Variants in TBCD observed in about 807,000 individuals in gnomAD.
The protein encoded by TBCD is tubulin-specific chaperone D.
A neutral mutation model predicts 169.3 loss-of-function variants in TBCD; 105 were observed. The observed-to-expected ratio is 0.62, with a 90% CI of 0.53 to 0.73. The LOEUF is 0.73. TBCD is among the 30% of genes least tolerant of loss of function. TBCD has a pLI of 0.00. For synonymous variants in TBCD, 700 were observed against 643.9 expected (o/e 1.09, Z -1.32); for missense variants, 1,444 against 1,600.1 (o/e 0.90, Z 1.66).
In TBCD at chr17:82,763,971, T is replaced by C. The variant is rs1313607479; in HGVS notation, c.242T>C (p.Met81Thr). ...TTCCTATGTTTTTCCCTAGAATGGA[T>C]GATGAACTTGTTGTTGGACATAGTG... is the stretch of plus-strand genomic sequence containing the variant. ...PHLLDPHLEW[M>T]MNLLLDIVQD... The change falls in exon 3 of 39, where the codon ATG (methionine) becomes ACG (threonine). Residue 81 changes from methionine to threonine, a missense_variant. Met to Thr is a moderately conservative substitution (Grantham distance 81, BLOSUM62 -1). Coordinates refer to ENST00000355528, the MANE Select transcript of TBCD (RefSeq NM_005993.5). 24 of 1,613,498 alleles carry C rather than the reference T, an allele frequency of 1.5e-5. No individual in the cohort carries two copies. Among genetic ancestry groups the C allele is most frequent in the Non-Finnish European group, 2.0e-5 (24 of 1,179,604 alleles).
intron 7 of TBCD, among the ~76,000 whole-genome samples, chr17:82,787,435 C>G (rs1268073772): frequency 6.6e-6 from 1 of 152,322 alleles, no homozygotes; most frequent in East Asian, 1.9e-4. Context: ...TGGAGCATCT[C>G]GAGTCTTTCC....
At chr17:82,929,724 C>A in intron 32 of TBCD, 1 of 662,098 alleles carries the variant, frequency 1.5e-6, no homozygotes, top group Non-Finnish European at 2.7e-6. Context: ...ACAGGGCCAG[C>A]GCCACTCTCT....
chr17:82,865,715 G>A (rs147566770), intron 13 of TBCD, among the ~76,000 whole-genome samples: 1 of 152,352 alleles, frequency 6.6e-6, no homozygotes. Context: ...ATCAGAAGGC[G>A]TAACTATATG....
intron 22 of TBCD, 130 bp from the exon 23 acceptor site, chr17:82,911,628 C>A: frequency 2.3e-6 from 2 of 885,468 alleles, no homozygotes; most frequent in Admixed American, 2.3e-5. Flanking sequence ...GTTGCTCATG[C>A]TCAGTAACAC....
At chr17:82,812,596 G>A (rs1254882041) in intron 12 of TBCD, among the ~76,000 whole-genome samples, 1 of 152,214 alleles carries the variant, frequency 6.6e-6, no homozygotes, top group Non-Finnish European at 1.5e-5. Context: ...CCAGGCTGGA[G>A]TGCAGTGGCG....
chr17:82,861,278 G>T (rs1247521359), intron 13 of TBCD, among the ~76,000 whole-genome samples: 1 of 152,158 alleles, frequency 6.6e-6, no homozygotes, highest in East Asian at 1.9e-4. Flanking sequence ...CATTCATGCC[G>T]CAGGTCCCCG....
chr17:82,776,482 T>G (rs1359108903), intron 6 of TBCD, among the ~76,000 whole-genome samples: 1 of 152,244 alleles, frequency 6.6e-6, no homozygotes, highest in Non-Finnish European at 1.5e-5. Flanking sequence ...ACAGTGCGTG[T>G]ACCGTGTTTA....
At chr17:82,752,474 G>A in intron 1 of TBCD, 97 bp downstream of exon 1, 1 of 1,025,448 alleles carries the variant, frequency 9.8e-7, no homozygotes, top group Non-Finnish European at 1.2e-6. Context: ...CGGCGGCGCC[G>A]GCCGCTCTGC....
Position 82,806,007 on chromosome 17 carries a change from G to A in TBCD, c.1083G>A (p.Val361=), listed in dbSNP as rs966114190. ...DDDVPEGVER[V]IEQLLVGLKD... is the part of the protein sequence containing the mutation. ...ACGTCCCAGAGGGGGTGGAGCGTGTGATAGGTGCGTGGGGTCTAAGCGGCG... is the reference window on the plus strand; with the variant it reads ...ACGTCCCAGAGGGGGTGGAGCGTGTAATAGGTGCGTGGGGTCTAAGCGGCG... Residue 361 remains valine (V), a synonymous_variant, in exon 10 of 39, where the codon GTG becomes GTA. Transcript: ENST00000355528. The surrounding 1 kb of genome is among the most constrained non-coding windows in gnomAD (Gnocchi z 5.1). 2 of 1,613,732 alleles carry A rather than the reference G, an allele frequency of 1.2e-6. No homozygotes were observed. Among genetic ancestry groups the A allele is most frequent in the Non-Finnish European group, 1.7e-6 (2 of 1,179,698 alleles).
chr17:82,869,854 C>T (rs539008894), intron 13 of TBCD, among the ~76,000 whole-genome samples: 1 of 152,298 alleles, frequency 6.6e-6, no homozygotes. Flanking sequence ...CCTCTCCCTC[C>T]CCTGAACCAG....
In TBCD at chr17:82,752,118, A is replaced by T. The variant is rs916482512; in HGVS notation, c.-76A>T. ...GCCTCCTTTTCATCCCTCATCCTTC[A>T]TCCCTGGCTTTCGCGCTCTAGCGGA... is the stretch of plus-strand genomic sequence containing the variant. On this transcript the variant is annotated 5_prime_UTR_variant, in exon 1 of 39. Coordinates refer to ENST00000355528, the MANE Select transcript of TBCD (RefSeq NM_005993.5). 1.4e-6 allele frequency: 2 copies of T among 1,393,438 alleles called. No individual in the cohort carries two copies. Among genetic ancestry groups the T allele is most frequent in the African/African-American group, 1.5e-5 (1 of 65,652 alleles). The allele number at this position is 1,393,438 out of a possible 1,614,324, so 86.3% of individuals were successfully genotyped here. A position where few individuals can be genotyped will look rare whatever the true frequency, so the allele number is the denominator to read the frequency against.
chr17:82,814,398 T>C (rs1352101799), intron 12 of TBCD, among the ~76,000 whole-genome samples: 1 of 152,238 alleles, frequency 6.6e-6, no homozygotes, highest in Non-Finnish European at 1.5e-5. Context: ...ACGGTCTCTT[T>C]GTTTGGGGAC....
At position 82,880,627 on chromosome 17, in the gene TBCD, C is replaced by T. The variant is rs895046532; in HGVS notation, c.1476-3518C>T. Among the ~76,000 whole-genome samples the T allele has an allele frequency of 2.6e-5, 4 of 151,810 alleles. No homozygotes were observed. The highest frequency in any genetic ancestry group is 7.3e-5 in the African/African-American group (3 of 41,314). ...GCATCCAGGCCCTCAGGGCAGGTAG[C>T]GGGTGGGCCTCCGTGGTGTTGGGAG... On this transcript the variant is annotated intron_variant, in intron 14 of 38. Coordinates refer to ENST00000355528, the MANE Select transcript of TBCD (RefSeq NM_005993.5). This position sits in a 1 kb window ranked among gnomAD's most constrained non-coding sequence, Gnocchi z 5.0.
At position 82,806,855 on chromosome 17, in the gene TBCD, G is replaced by A. The variant is rs1285153193; in HGVS notation, c.1088-753G>A. On this transcript the variant is annotated intron_variant, in intron 10 of 38. Transcript: ENST00000355528. The surrounding 1 kb of genome is among the most constrained non-coding windows in gnomAD (Gnocchi z 5.1). ...GCTTCTCAGAGCCCTCCCTGGTTGCGTGGTAGGCGCCCGCATCTGTGCTGG... is the reference window on the plus strand; with the variant it reads ...GCTTCTCAGAGCCCTCCCTGGTTGCATGGTAGGCGCCCGCATCTGTGCTGG... 2.3e-4 allele frequency among the ~76,000 whole-genome samples: 35 copies of A among 152,170 alleles called. No homozygotes were observed. The highest frequency in any genetic ancestry group is 2.3e-3 in the Admixed American group (35 of 15,280).
At chr17:82,941,354 T>A in intron 37 of TBCD, 45 bp from the exon 38 acceptor site, 1 of 1,522,994 alleles carries the variant, frequency 6.6e-7, no homozygotes, top group South Asian at 1.2e-5. Flanking sequence ...CCTGAGGTTC[T>A]CCGGTGGGCA....
At position 82,814,958 on chromosome 17, in the gene TBCD, G is replaced by A. The variant is rs764761602; in HGVS notation, c.1318+24G>A. 3.1e-6 allele frequency: 5 copies of A among 1,607,244 alleles called. No homozygotes were observed. The Admixed American group carries it at 5.1e-5, about 16-fold the overall frequency. ...TGGTGAGTAGCTGAGGCACGGTCAG[G>A]GGGGATGTCTGGCGCTGGCGGAGCT... On this transcript the variant is annotated intron_variant, in intron 13 of 38. Transcript: ENST00000355528.
intron 6 of TBCD, among the ~76,000 whole-genome samples, chr17:82,780,291 C>T (rs1236032465): frequency 1.3e-5 from 2 of 151,610 alleles, no homozygotes; most frequent in East Asian, 1.9e-4. Context: ...CCTCCCGTTT[C>T]CTTCGTAACT....
chr17:82,902,623 C>T (rs1296441480), intron 18 of TBCD, among the ~76,000 whole-genome samples: 2 of 152,242 alleles, frequency 1.3e-5, no homozygotes, highest in African/African-American at 4.8e-5. Context: ...GGCAGGTGGT[C>T]CTGCCAGCGC....
intron 6 of TBCD, 37 bp from the exon 7 acceptor site, chr17:82,781,552 G>C: frequency 6.2e-7 from 1 of 1,611,568 alleles, no homozygotes. Context: ...CGAGGTCTCA[G>C]TGCTGAGGCC....
Sources: gnomAD v4.1 joint callset for allele counts (sites outside exome capture counted in the v4.1 genomes callset) on GRCh38, gnomAD v4.1.1 for gene constraint, Gnocchi (gnomAD v3.1) non-coding constraint, MANE v1.5 for transcripts, NCBI Gene and HGNC (gene_info 2026-07-23, HGNC 2026-07-21) for gene names.